CCSER1: variants seen among roughly 807,000 people sequenced by gnomAD.
CCSER1 encodes the protein coiled-coil serine rich protein 1.
In CCSER1, 41 loss-of-function variants were observed where a neutral mutation model predicts 82.0. That is an observed-to-expected ratio of 0.50 (90% CI 0.39 to 0.65). CCSER1 has a LOEUF of 0.65. Ranked by LOEUF, CCSER1 falls within the 30% of genes least tolerant of loss-of-function variation. The pLI, the probability that CCSER1 is intolerant of heterozygous loss-of-function variation, is 0.00. For synonymous variants in CCSER1, 414 were observed against 383.9 expected, an observed-to-expected ratio of 1.08 and a Z score of -0.92; for missense variants, 1,119 against 1,064.2, an observed-to-expected ratio of 1.05 and a Z score of -0.72.
At chr4:90,651,238 C>T (rs751357107) in intron 6 of CCSER1, among the ~76,000 whole-genome samples, 1 of 152,112 alleles carries the variant, frequency 6.6e-6, no homozygotes, top group South Asian at 2.1e-4. Context: ...TACATGCACA[C>T]GTATGTTTAT....
At chr4:91,532,844 T>TAAAA (rs1189212185) in intron 10 of CCSER1, among the ~76,000 whole-genome samples, 6 of 151,464 alleles carry the variant, frequency 4.0e-5, no homozygotes, top group African/African-American at 1.5e-4. Flanking sequence ...CACTGCAGCC[T>TAAAA]GGATGACAGA....
At chr4:91,583,126 G>T (rs969022618) in intron 10 of CCSER1, among the ~76,000 whole-genome samples, 207 of 151,366 alleles carry the variant, frequency 1.4e-3, no homozygotes, top group African/African-American at 4.7e-3. Context: ...TTGGAGTCAA[G>T]TGTGGCTATG....
At chr4:90,808,823 T>C (rs1395611920) in intron 7 of CCSER1, among the ~76,000 whole-genome samples, 2 of 152,098 alleles carry the variant, frequency 1.3e-5, no homozygotes, top group East Asian at 3.9e-4. Context: ...CTCTGGAAAA[T>C]ATTATGGAGA....
rs181271920 is a variant in CCSER1 at position 91,262,662 on chromosome 4, G to A, written c.2217+176668G>A. ...AGGACCTAAATTCCAATTAAATTTA[G>A]AATTTTTAAAAGATCATAAAGCTCT... On this transcript the variant is annotated intron_variant, in intron 10 of 10. Transcript: ENST00000509176. Among the ~76,000 whole-genome samples, 260 of 152,064 alleles carry A rather than the reference G, an allele frequency of 1.7e-3. 2 individuals are homozygous for A. Among genetic ancestry groups the A allele is most frequent in the African/African-American group, 5.8e-3 (242 of 41,520 alleles).
intron 10 of CCSER1, among the ~76,000 whole-genome samples, chr4:91,167,843 C>T (rs1046555006): frequency 1.2e-4 from 19 of 152,350 alleles, no homozygotes; most frequent in South Asian, 4.1e-4. Flanking sequence ...ATAAATAATA[C>T]GCTTTTACAA....
chr4:91,061,516 A>T (rs1743951533), intron 9 of CCSER1, among the ~76,000 whole-genome samples: 1 of 151,968 alleles, frequency 6.6e-6, no homozygotes, highest in South Asian at 2.1e-4. Context: ...CAGCTAGGAG[A>T]AAGGTGTTGT....
At chr4:90,599,667 C>G (rs1482555604) in intron 5 of CCSER1, among the ~76,000 whole-genome samples, 1 of 152,140 alleles carries the variant, frequency 6.6e-6, no homozygotes, top group Non-Finnish European at 1.5e-5. Context: ...TGTGACCATC[C>G]TGAGTTTCTG....
chr4:91,023,291 A>C (rs1171118447), intron 9 of CCSER1, among the ~76,000 whole-genome samples: 1 of 152,182 alleles, frequency 6.6e-6, no homozygotes, highest in African/African-American at 2.4e-5. Context: ...TTCTTCACAG[A>C]ATTGGAAAAA....
At chr4:90,410,959 C>G (rs1160236205) in intron 4 of CCSER1, among the ~76,000 whole-genome samples, 2 of 152,186 alleles carry the variant, frequency 1.3e-5, no homozygotes, top group African/African-American at 4.8e-5. Context: ...ACTGATCCCA[C>G]AGAAATACAA....
intron 3 of CCSER1, among the ~76,000 whole-genome samples, chr4:90,381,805 A>G (rs1267750057): frequency 6.6e-6 from 1 of 152,112 alleles, no homozygotes; most frequent in African/African-American, 2.4e-5. Context: ...TAAAATTTCA[A>G]TTTGTTTAAT....
intron 10 of CCSER1, among the ~76,000 whole-genome samples, chr4:91,552,352 C>G (rs144879700): frequency 0.011 from 1,738 of 151,762 alleles, 37 homozygotes; most frequent in Non-Finnish European, 0.018. Flanking sequence ...AGGCACCATT[C>G]TGAGGCCTGA....
At chr4:90,982,562 A>G (rs936291532) in intron 9 of CCSER1, among the ~76,000 whole-genome samples, 4 of 151,820 alleles carry the variant, frequency 2.6e-5, no homozygotes, top group African/African-American at 9.7e-5. Context: ...ATGAGATCCA[A>G]TAGGGTGAGG....
intron 10 of CCSER1, among the ~76,000 whole-genome samples, chr4:91,175,849 T>C (rs894108296): frequency 2.0e-5 from 3 of 152,238 alleles, no homozygotes; most frequent in Non-Finnish European, 4.4e-5. Flanking sequence ...TTTGTCAATT[T>C]TGGCTTTTGT....
chr4:91,522,489 T>G (rs1343178435), intron 10 of CCSER1, among the ~76,000 whole-genome samples: 1 of 152,226 alleles, frequency 6.6e-6, no homozygotes, highest in African/African-American at 2.4e-5. Context: ...ACGATATTGA[T>G]TCTTCCTATC....
At chr4:90,229,251 A>G (rs141981385) in intron 1 of CCSER1, among the ~76,000 whole-genome samples, 3,450 of 152,362 alleles carry the variant, frequency 0.023, 51 homozygotes, top group South Asian at 0.054. Flanking sequence ...AGGGAAGCCC[A>G]TCAGACTGAC....
At chr4:91,506,907 G>A (rs1759524223) in intron 10 of CCSER1, among the ~76,000 whole-genome samples, 1 of 152,010 alleles carries the variant, frequency 6.6e-6, no homozygotes, top group African/African-American at 2.4e-5. Context: ...TGTAGTTTTT[G>A]TGACCATCAC....
intron 10 of CCSER1, among the ~76,000 whole-genome samples, chr4:91,465,213 C>G (rs975535992): frequency 9.2e-5 from 14 of 152,000 alleles, no homozygotes; most frequent in African/African-American, 3.4e-4. Context: ...ACTCAAAACC[C>G]CTCAACAACA....
intron 5 of CCSER1, among the ~76,000 whole-genome samples, chr4:90,590,943 T>C (rs1782618973): frequency 6.6e-6 from 1 of 152,210 alleles, no homozygotes; most frequent in Non-Finnish European, 1.5e-5. Flanking sequence ...TGGAACTATT[T>C]TCCATTTGTT....
intron 10 of CCSER1, among the ~76,000 whole-genome samples, chr4:91,545,936 T>A (rs1483005112): frequency 6.6e-6 from 1 of 152,176 alleles, no homozygotes. Context: ...GTAGATGTTC[T>A]TTATTAAGTT....
Sources: gnomAD v4.1 joint callset for allele counts (sites outside exome capture counted in the v4.1 genomes callset) on GRCh38, gnomAD v4.1.1 for gene constraint, MANE v1.5 for transcripts, NCBI Gene and HGNC (gene_info 2026-07-23, HGNC 2026-07-21) for gene names.